Variants in CSMD1 observed in about 807,000 individuals in gnomAD.
The protein encoded by CSMD1 is CUB and sushi domain-containing protein 1.
Under a neutral mutation model 417.5 loss-of-function variants are expected in CSMD1, and 213 were observed. The observed-to-expected ratio is 0.51, with a 90% confidence interval of 0.46 to 0.57. CSMD1 has a LOEUF of 0.57. CSMD1 is among the 20% of genes least tolerant of loss of function. The pLI, the probability that CSMD1 is intolerant of heterozygous loss-of-function variation, is 0.00. For missense variants in CSMD1, 6,923 were observed against 4,529.7 expected, an observed-to-expected ratio of 1.53 and a Z score of -15.17; for synonymous variants, 2,862 against 1,736.8, an observed-to-expected ratio of 1.65 and a Z score of -16.11.
At chr8:4,977,751 G>T (rs1426188463) in intron 1 of CSMD1, among the ~76,000 whole-genome samples, 3 of 152,126 alleles carry the variant, frequency 2.0e-5, no homozygotes, top group East Asian at 3.9e-4. Flanking sequence ...TTGCAGGCAG[G>T]TTCACCTGCT....
intron 2 of CSMD1, among the ~76,000 whole-genome samples, chr8:4,554,452 T>C (rs1366862802): frequency 6.6e-6 from 1 of 152,210 alleles, no homozygotes; most frequent in Admixed American, 6.5e-5. Flanking sequence ...CAGTCACTTT[T>C]TAACATTAGA....
At chr8:4,641,295 T>C (rs1473241992) in intron 1 of CSMD1, among the ~76,000 whole-genome samples, 3 of 152,060 alleles carry the variant, frequency 2.0e-5, no homozygotes, top group Non-Finnish European at 2.9e-5. Flanking sequence ...GAAATAATAA[T>C]ATACGAAACA....
intron 12 of CSMD1, among the ~76,000 whole-genome samples, chr8:3,411,800 A>C (rs1481945244): frequency 7.7e-6 from 1 of 129,098 alleles, no homozygotes; most frequent in African/African-American, 2.9e-5. Flanking sequence ...ATACACGTAT[A>C]TATACACGTA....
At chr8:3,430,079 G>GCA (rs1563380616) in intron 12 of CSMD1, among the ~76,000 whole-genome samples, 56 of 152,034 alleles carry the variant, frequency 3.7e-4, no homozygotes, top group Non-Finnish European at 5.9e-5. Flanking sequence ...ATACACACAT[G>GCA]CATATATACA....
chr8:3,735,532 T>A (rs928096061), intron 6 of CSMD1, among the ~76,000 whole-genome samples: 9 of 152,216 alleles, frequency 5.9e-5, no homozygotes, highest in Non-Finnish European at 8.8e-5. Context: ...AGTTACACAG[T>A]AAAAAGCAAA....
At chr8:3,992,824 C>G (rs1392882837) in intron 5 of CSMD1, among the ~76,000 whole-genome samples, 2 of 152,218 alleles carry the variant, frequency 1.3e-5, no homozygotes, top group African/African-American at 4.8e-5. Context: ...ACAATTCGCC[C>G]ATTTTAATTG....
intron 3 of CSMD1, among the ~76,000 whole-genome samples, chr8:4,168,907 G>C (rs1300429197): frequency 6.6e-6 from 1 of 152,172 alleles, no homozygotes; most frequent in East Asian, 1.9e-4. Context: ...CCAACCGCCA[G>C]TGCCAGGCCT....
intron 3 of CSMD1, among the ~76,000 whole-genome samples, chr8:4,374,776 A>AGGAGAGGATGGC (rs1802615531): frequency 1.3e-5 from 2 of 152,098 alleles, no homozygotes; most frequent in Admixed American, 1.3e-4. Context: ...ATGAATGGCC[A>AGGAGAGGATGGC]CCTGCTCTAG....
chr8:3,831,573 C>T (rs1269499708), intron 5 of CSMD1, among the ~76,000 whole-genome samples: 1 of 152,164 alleles, frequency 6.6e-6, no homozygotes, highest in Non-Finnish European at 1.5e-5. Flanking sequence ...CTCACTACAG[C>T]AATGGAATAT....
intron 1 of CSMD1, among the ~76,000 whole-genome samples, chr8:4,682,513 T>C (rs905149024): frequency 6.6e-6 from 1 of 152,126 alleles, no homozygotes; most frequent in Non-Finnish European, 1.5e-5. Context: ...AAAAGAATGT[T>C]TTTCATTAGC....
At chr8:3,512,601 T>G (rs1296882781) in intron 10 of CSMD1, among the ~76,000 whole-genome samples, 1 of 75,486 alleles carries the variant, frequency 1.3e-5, no homozygotes, top group East Asian at 5.9e-4. Flanking sequence ...AATTTTTTTC[T>G]TTTTTTTTTT....
intron 5 of CSMD1, among the ~76,000 whole-genome samples, chr8:3,992,125 T>C (rs1468270754): frequency 2.2e-5 from 2 of 89,678 alleles, no homozygotes; most frequent in Admixed American, 1.2e-4. Flanking sequence ...TGTATATATA[T>C]GTGTGTGTGT....
chr8:3,369,148 A>G (rs1226516061), intron 19 of CSMD1, 106 bp downstream of exon 19: 3 of 595,950 alleles, frequency 5.0e-6, no homozygotes, highest in Non-Finnish European at 9.0e-6. Context: ...ATACATGAGA[A>G]AAGTAGTTAT....
At chr8:3,503,899 A>T (rs1205859603) in intron 10 of CSMD1, among the ~76,000 whole-genome samples, 2 of 143,076 alleles carry the variant, frequency 1.4e-5, no homozygotes, top group African/African-American at 5.1e-5. Flanking sequence ...GACTTGGATG[A>T]GATCAACTTT....
intron 7 of CSMD1, among the ~76,000 whole-genome samples, chr8:3,658,001 G>T (rs761679142): frequency 6.6e-6 from 1 of 152,044 alleles, no homozygotes; most frequent in South Asian, 2.1e-4. Flanking sequence ...GAGAAGTTTG[G>T]GATTTGGAGA....
At chr8:4,333,623 G>A (rs746416112) in intron 3 of CSMD1, among the ~76,000 whole-genome samples, 1 of 152,122 alleles carries the variant, frequency 6.6e-6, no homozygotes, top group Non-Finnish European at 1.5e-5. Context: ...TATATTTAAG[G>A]AGAGTGATCT....
Position 2,988,012 on chromosome 8 carries a change from C to T in CSMD1, c.8378-9212G>A, listed in dbSNP as rs181114797. 3.8e-3 allele frequency among the ~76,000 whole-genome samples: 586 copies of T among 152,218 alleles called. 2 individuals carry two copies. The highest frequency in any genetic ancestry group is 7.0e-3 in the Non-Finnish European group (478 of 68,014). Reference sequence around the variant, plus strand: ...TCACCTAGGTATTAAGCCCCGCATGCGTTAGCTATTTTTCCTAAAACCTAT... The same window carrying T: ...TCACCTAGGTATTAAGCCCCGCATGTGTTAGCTATTTTTCCTAAAACCTAT... On this transcript the variant is annotated intron_variant, in intron 54 of 69. Coordinates refer to ENST00000635120, the MANE Select transcript of CSMD1 (RefSeq NM_033225.6).
chr8:3,633,949 G>T (rs918419305), intron 7 of CSMD1, among the ~76,000 whole-genome samples: 22 of 152,194 alleles, frequency 1.4e-4, no homozygotes, highest in African/African-American at 4.3e-4. Flanking sequence ...TCCATTTCAA[G>T]TGGATTCAGT....
chr8:4,627,131 AT>A (rs1186933470), intron 2 of CSMD1, among the ~76,000 whole-genome samples: 4 of 152,266 alleles, frequency 2.6e-5, no homozygotes, highest in Admixed American at 2.6e-4. Context: ...ACATTTCAAT[AT>A]TTCAACTAAT....
Sources: allele counts gnomAD v4.1 joint callset (sites outside exome capture counted in the v4.1 genomes callset), GRCh38; gene constraint gnomAD v4.1.1; transcripts MANE v1.5; gene names NCBI Gene and HGNC (gene_info 2026-07-23, HGNC 2026-07-21).